The following NEAT1 variants were observed in gnomAD, a reference collection of about 807,000 sequenced individuals.
NEAT1 encodes the protein nuclear paraspeckle assembly transcript 1, also known as MENepsilon/beta.
chr11:65,430,017 C>T (rs1462825812), exon 1 of NEAT1: 1 of 152,232 alleles, frequency 6.6e-6, no homozygotes, highest in Non-Finnish European at 1.5e-5. Flanking sequence ...CTCTCCATTT[C>T]CCCATCTGAG....
At chr11:65,429,229 A>T (rs891560199) in exon 1 of NEAT1, 1 of 152,136 alleles carries the variant, frequency 6.6e-6, no homozygotes, top group African/African-American at 2.4e-5. Context: ...ACATTTCGAG[A>T]AGGAAATGAC....
exon 1 of NEAT1, chr11:65,431,172 A>G (rs1856610563): frequency 6.6e-6 from 1 of 152,202 alleles, no homozygotes. Flanking sequence ...TTCTCTGAGC[A>G]CAGTGTCCTC....
exon 1 of NEAT1, chr11:65,445,307 GGCAGGATAT>G (rs1172085949): frequency 1.3e-5 from 2 of 152,302 alleles, no homozygotes; most frequent in East Asian, 3.9e-4. Context: ...ATGCTCCTTG[GGCAGGATAT>G]GCATGTGCCA....
chr11:65,423,614 C>A (rs2134884299), exon 1 of NEAT1: 1 of 152,438 alleles, frequency 6.6e-6, no homozygotes, highest in Middle Eastern at 3.4e-3. Context: ...TTGACCAACG[C>A]TTTATTTTCC....
exon 1 of NEAT1, chr11:65,440,517 T>C (rs1590675743): frequency 6.7e-6 from 1 of 148,256 alleles, no homozygotes; most frequent in East Asian, 2.0e-4. Flanking sequence ...ACTAAGGCAA[T>C]GACAGTCCCT....
exon 1 of NEAT1, chr11:65,434,011 G>C (rs113927365): frequency 4.6e-5 from 7 of 152,174 alleles, no homozygotes; most frequent in African/African-American, 1.4e-4. Context: ...TATTTTAGCT[G>C]TTCTTAGAGA....
At chr11:65,436,866 C>T (rs957197001) in exon 1 of NEAT1, 2 of 151,982 alleles carry the variant, frequency 1.3e-5, no homozygotes, top group African/African-American at 4.8e-5. Context: ...AGAAAAGTTT[C>T]CTCAGGAGGA....
At chr11:65,437,236 TATAC>T (rs1299942461) in exon 1 of NEAT1, 1 of 146,664 alleles carries the variant, frequency 6.8e-6, no homozygotes, top group Admixed American at 6.9e-5. Flanking sequence ...TACATATATA[TATAC>T]ATATATATAT....
At chr11:65,428,906 G>A (rs1237245696) in exon 1 of NEAT1, 1 of 152,062 alleles carries the variant, frequency 6.6e-6, no homozygotes, top group African/African-American at 2.4e-5. Context: ...AATCTTACCA[G>A]TAACAATTGT....
At chr11:65,443,606 T>C (rs1469107858) in exon 1 of NEAT1, 1 of 152,218 alleles carries the variant, frequency 6.6e-6, no homozygotes, top group African/African-American at 2.4e-5. Context: ...ACCTGGGCCA[T>C]GTGGGCCGGC....
At chr11:65,437,238 TAC>T (rs1159605688) in exon 1 of NEAT1, 3 of 146,576 alleles carry the variant, frequency 2.0e-5, no homozygotes, top group African/African-American at 7.5e-5. Context: ...CATATATATA[TAC>T]ATATATATAT....
exon 1 of NEAT1, chr11:65,434,647 ACAATG>A (rs1417102398): frequency 2.0e-5 from 3 of 152,142 alleles, no homozygotes; most frequent in African/African-American, 4.8e-5. Flanking sequence ...CCCCTTGTGC[ACAATG>A]CATGAGTGTT....
exon 1 of NEAT1, chr11:65,426,243 T>A (rs1003685564): frequency 2.0e-5 from 3 of 152,226 alleles, no homozygotes; most frequent in Non-Finnish European, 4.4e-5. Flanking sequence ...TTCCATTTTT[T>A]AAATGTTTAA....
exon 1 of NEAT1, chr11:65,423,253 T>A (rs551124136): frequency 6.5e-6 from 1 of 152,692 alleles, no homozygotes; most frequent in South Asian, 2.0e-4. Context: ...CCGGGAGGGC[T>A]AATCTTCAAC....
exon 1 of NEAT1, chr11:65,426,660 G>C (rs1464226144): frequency 1.3e-5 from 2 of 152,214 alleles, no homozygotes; most frequent in Non-Finnish European, 2.9e-5. Context: ...CCATGTAGGA[G>C]AGCATGGTAA....
chr11:65,435,852 C>T (rs892036492), exon 1 of NEAT1: 11 of 152,178 alleles, frequency 7.2e-5, no homozygotes, highest in African/African-American at 2.7e-4. Context: ...GAGTCTAATT[C>T]CTGGTATTCT....
chr11:65,427,845 C>T (rs1378377028), exon 1 of NEAT1: 2 of 152,080 alleles, frequency 1.3e-5, no homozygotes, highest in African/African-American at 4.8e-5. Flanking sequence ...GCTATAGATG[C>T]CTGTATGTAA....
exon 1 of NEAT1, chr11:65,423,096 A>AT (rs1249589783): frequency 6.6e-6 from 1 of 152,536 alleles, no homozygotes; most frequent in Non-Finnish European, 1.5e-5. Context: ...CCGCTCTTGC[A>AT]TAGCTGAGCG....
exon 1 of NEAT1, chr11:65,429,141 A>G (rs1309905974): frequency 6.6e-6 from 1 of 152,148 alleles, no homozygotes; most frequent in Non-Finnish European, 1.5e-5. Flanking sequence ...CTCTTAGAAA[A>G]TAATACTTGC....
Sources: allele counts gnomAD v4.1 joint callset, GRCh38; gene constraint gnomAD v4.1.1; transcripts MANE v1.5; gene names NCBI Gene and HGNC (gene_info 2026-07-23, HGNC 2026-07-21).